GPC5: variants seen among roughly 807,000 people sequenced by gnomAD.
The protein encoded by GPC5 is glypican-5.
A neutral mutation model predicts 53.9 loss-of-function variants in GPC5; 47 were observed. The observed-to-expected ratio is 0.87, with a 90% confidence interval of 0.69 to 1.11. GPC5 has a LOEUF of 1.11. Ranked by LOEUF, GPC5 falls within the 50% of genes most tolerant of loss-of-function variation. The pLI, the probability that GPC5 is intolerant of heterozygous loss-of-function variation, is 0.00. For synonymous variants in GPC5, 286 were observed against 263.3 expected (o/e 1.09, Z -0.84); for missense variants, 748 against 713.1 (o/e 1.05, Z -0.56).
intron 2 of GPC5, among the ~76,000 whole-genome samples, chr13:91,602,207 C>T (rs1311938586): frequency 6.6e-6 from 1 of 152,216 alleles, no homozygotes; most frequent in Non-Finnish European, 1.5e-5. Context: ...GCACCTGACA[C>T]AGATACAGTG....
intron 7 of GPC5, among the ~76,000 whole-genome samples, chr13:92,751,173 G>C (rs1194076614): frequency 2.0e-5 from 3 of 151,760 alleles, no homozygotes; most frequent in South Asian, 2.1e-4. Context: ...CCAACTGGGA[G>C]CTAAGGCTTT....
intron 7 of GPC5, among the ~76,000 whole-genome samples, chr13:92,623,645 A>C (rs1363139349): frequency 6.6e-6 from 1 of 152,132 alleles, no homozygotes; most frequent in East Asian, 1.9e-4. Flanking sequence ...GTTTTTCTTT[A>C]GTAAGGATCA....
At chr13:91,931,291 G>A (rs1295062937) in intron 6 of GPC5, among the ~76,000 whole-genome samples, 1 of 151,946 alleles carries the variant, frequency 6.6e-6, no homozygotes, top group East Asian at 1.9e-4. Context: ...TGTGAATTAT[G>A]TAAGGCTTAC....
intron 6 of GPC5, among the ~76,000 whole-genome samples, chr13:92,127,246 C>T (rs1164394577): frequency 1.3e-5 from 2 of 150,678 alleles, no homozygotes; most frequent in African/African-American, 2.5e-5. Context: ...AAAGTAAACA[C>T]TGTTTTTCAT....
intron 2 of GPC5, among the ~76,000 whole-genome samples, chr13:91,557,836 A>T (rs1178827236): frequency 6.6e-6 from 1 of 152,154 alleles, no homozygotes; most frequent in Non-Finnish European, 1.5e-5. Flanking sequence ...AATACCTTTT[A>T]CATTAGTCCC....
chr13:91,467,153 A>C (rs919355375), intron 2 of GPC5, among the ~76,000 whole-genome samples: 6 of 152,200 alleles, frequency 3.9e-5, no homozygotes, highest in Admixed American at 6.5e-5. Context: ...AAAATAGACA[A>C]ATGCTTACAA....
intron 6 of GPC5, among the ~76,000 whole-genome samples, chr13:91,928,379 T>C (rs1040197149): frequency 2.6e-5 from 4 of 152,186 alleles, no homozygotes; most frequent in African/African-American, 9.6e-5. Context: ...AATAACTCTA[T>C]ATGACTCCAT....
intron 4 of GPC5, among the ~76,000 whole-genome samples, chr13:91,733,754 T>C (rs1187713421): frequency 6.6e-6 from 1 of 152,180 alleles, no homozygotes; most frequent in African/African-American, 2.4e-5. Flanking sequence ...TTTCTAAATA[T>C]AGAATCATGT....
intron 5 of GPC5, among the ~76,000 whole-genome samples, chr13:91,789,780 A>G (rs1594565999): frequency 6.6e-6 from 1 of 152,144 alleles, no homozygotes; most frequent in Non-Finnish European, 1.5e-5. Context: ...GCACTATCCT[A>G]TATTGAGATA....
intron 6 of GPC5, among the ~76,000 whole-genome samples, chr13:92,016,834 T>C (rs564201668): frequency 6.6e-6 from 1 of 152,066 alleles, no homozygotes; most frequent in South Asian, 2.1e-4. Context: ...TTCACTCAGT[T>C]CTCCTCTTCA....
At chr13:92,169,525 T>A (rs2139019087) in intron 7 of GPC5, among the ~76,000 whole-genome samples, 1 of 152,302 alleles carries the variant, frequency 6.6e-6, no homozygotes, top group Non-Finnish European at 1.5e-5. Context: ...GACAAATCAT[T>A]GAAATAGAAT....
intron 6 of GPC5, among the ~76,000 whole-genome samples, chr13:91,968,475 G>C (rs1461494640): frequency 6.7e-6 from 1 of 148,702 alleles, no homozygotes; most frequent in African/African-American, 2.5e-5. Flanking sequence ...TTCTTTTTTT[G>C]TTTTGAGATG....
At chr13:92,536,443 G>A (rs1238308876) in intron 7 of GPC5, among the ~76,000 whole-genome samples, 1 of 152,108 alleles carries the variant, frequency 6.6e-6, no homozygotes, top group Non-Finnish European at 1.5e-5. Context: ...ACAAAGATCA[G>A]AATATTCAGA....
chr13:92,744,739 G>A (rs1189124854), intron 7 of GPC5, among the ~76,000 whole-genome samples: 1 of 152,080 alleles, frequency 6.6e-6, no homozygotes, highest in Non-Finnish European at 1.5e-5. Flanking sequence ...GGTGATGGGA[G>A]TGAGGAATTA....
At chr13:92,272,678 A>C (rs7322482) in intron 7 of GPC5, among the ~76,000 whole-genome samples, 20,032 of 152,114 alleles carry the variant, frequency 0.13, 1,591 homozygotes, top group African/African-American at 0.22. Context: ...CAAAGCCAAA[A>C]ATTGATGTTA....
chr13:91,442,355 C>T (rs187919178), intron 1 of GPC5, among the ~76,000 whole-genome samples: 42 of 152,208 alleles, frequency 2.8e-4, no homozygotes, highest in Admixed American at 2.2e-3. Flanking sequence ...ATTTAAAGAA[C>T]ATTTGTTATA....
In GPC5 at chr13:91,955,544, G is replaced by A. The variant is rs548168422; in HGVS notation, c.1401+47487G>A. ...CAAGGCAGCCTGGTTAGCCACCTGGGATTTGTTGGGAGCCCACAGAGGCAC... is the reference window on the plus strand; with the variant it reads ...CAAGGCAGCCTGGTTAGCCACCTGGAATTTGTTGGGAGCCCACAGAGGCAC... On this transcript the variant is annotated intron_variant, in intron 6 of 7. Coordinates refer to ENST00000377067, the MANE Select transcript of GPC5 (RefSeq NM_004466.6). Among the ~76,000 whole-genome samples, 116 of 152,300 alleles carry A rather than the reference G, an allele frequency of 7.6e-4. No homozygotes were observed. In the South Asian group the frequency reaches 0.022, roughly 29 times the overall value.
intron 7 of GPC5, among the ~76,000 whole-genome samples, chr13:92,203,429 T>C (rs925925936): frequency 7.7e-6 from 1 of 130,050 alleles, no homozygotes; most frequent in African/African-American, 3.0e-5. Context: ...TAGGTGGGAA[T>C]TGAACAATGA....
intron 6 of GPC5, among the ~76,000 whole-genome samples, chr13:91,959,863 C>A (rs1474862926): frequency 6.6e-6 from 1 of 151,844 alleles, no homozygotes; most frequent in African/African-American, 2.4e-5. Context: ...AAGCCAGATG[C>A]AGGAAAAGCA....
Sources: allele counts gnomAD v4.1 joint callset (sites outside exome capture counted in the v4.1 genomes callset), GRCh38; gene constraint gnomAD v4.1.1; transcripts MANE v1.5; gene names NCBI Gene and HGNC (gene_info 2026-07-23, HGNC 2026-07-21).